The following DLG2 variants were observed in gnomAD, a reference collection of about 807,000 sequenced individuals.
DLG2 encodes disks large homolog 2.
Under a neutral mutation model 132.5 loss-of-function variants are expected in DLG2, and 45 were observed. The ratio of observed to expected loss-of-function variants is 0.34; its 90% CI spans 0.27 to 0.44. The LOEUF (loss-of-function observed/expected upper bound fraction) is 0.44. DLG2 is among the 20% of genes least tolerant of loss of function. The pLI is 1.00. For missense variants in DLG2, 1,045 were observed against 1,196.9 expected, an observed-to-expected ratio of 0.87 and a Z score of 1.87; for synonymous variants, 424 against 419.6, an observed-to-expected ratio of 1.01 and a Z score of -0.13.
In DLG2 at chr11:85,341,818, T is replaced by C. The variant is rs147597024; in HGVS notation, c.41-56453A>G. Among the ~76,000 whole-genome samples, 329 of 152,374 alleles carry C rather than the reference T, an allele frequency of 2.2e-3. 1 individual carries two copies. Among genetic ancestry groups the C allele is most frequent in the African/African-American group, 7.7e-3 (319 of 41,592 alleles). On this transcript the variant is annotated intron_variant, in intron 3 of 27. Coordinates refer to ENST00000376104, the MANE Select transcript of DLG2 (RefSeq NM_001142699.3). ...AGGCCTGCTACACACTTACACTATA[T>C]GGTGTAGCTTATTGCTCGTAGGCTA...
At chr11:85,590,177 G>C (rs1202184141) in intron 3 of DLG2, among the ~76,000 whole-genome samples, 1 of 152,036 alleles carries the variant, frequency 6.6e-6, no homozygotes, top group Non-Finnish European at 1.5e-5. Flanking sequence ...CTTTGATAGT[G>C]GGAGATCAAA....
At chr11:84,986,289 C>T (rs1012378967) in intron 6 of DLG2, among the ~76,000 whole-genome samples, 51 of 151,966 alleles carry the variant, frequency 3.4e-4, no homozygotes, top group Admixed American at 9.8e-4. Flanking sequence ...CAACAAGCAG[C>T]GAGATTGAAA....
chr11:84,977,545 A>T (rs1253656786), intron 6 of DLG2, among the ~76,000 whole-genome samples: 5 of 152,186 alleles, frequency 3.3e-5, no homozygotes, highest in Admixed American at 3.3e-4. Context: ...AGAAATTCTG[A>T]TATTCATTAA....
intron 3 of DLG2, among the ~76,000 whole-genome samples, chr11:85,581,165 T>G (rs2078491189): frequency 6.6e-6 from 1 of 152,158 alleles, no homozygotes; most frequent in South Asian, 2.1e-4. Flanking sequence ...GGCAGCCCCT[T>G]CAATAATACT....
intron 27 of DLG2, chr11:83,461,790 G>A: frequency 1.9e-6 from 1 of 516,188 alleles, no homozygotes; most frequent in Non-Finnish European, 3.5e-6. Context: ...TGGGAACCTG[G>A]GAGCTGGCTG....
intron 7 of DLG2, among the ~76,000 whole-genome samples, chr11:84,476,940 G>A (rs759757818): frequency 6.6e-6 from 1 of 152,058 alleles, no homozygotes; most frequent in Non-Finnish European, 1.5e-5. Context: ...GATAATAAAT[G>A]TTTGTTTTAA....
At chr11:84,113,838 C>G (rs1426600206) in intron 9 of DLG2, among the ~76,000 whole-genome samples, 1 of 151,956 alleles carries the variant, frequency 6.6e-6, no homozygotes, top group Non-Finnish European at 1.5e-5. Context: ...TCTCAGATTC[C>G]ACCTTGCAGC....
intron 7 of DLG2, among the ~76,000 whole-genome samples, chr11:84,364,346 T>C (rs996827448): frequency 4.6e-5 from 7 of 152,304 alleles, no homozygotes; most frequent in Admixed American, 1.3e-4. Context: ...CTTGTGATTT[T>C]TGTACATTGA....
chr11:83,515,235 T>C (rs2095248658), intron 21 of DLG2, among the ~76,000 whole-genome samples: 1 of 152,260 alleles, frequency 6.6e-6, no homozygotes, highest in African/African-American at 2.4e-5. Context: ...GAGATTCAAC[T>C]TCTTCCTGGT....
At chr11:83,731,489 T>C (rs966505374) in intron 18 of DLG2, among the ~76,000 whole-genome samples, 46 of 152,336 alleles carry the variant, frequency 3.0e-4, no homozygotes, top group African/African-American at 1.1e-3. Flanking sequence ...TATGGGTGCA[T>C]AGTATTCCAT....
chr11:85,507,612 A>T (rs942979691), intron 3 of DLG2, among the ~76,000 whole-genome samples: 1 of 151,946 alleles, frequency 6.6e-6, no homozygotes, highest in South Asian at 2.1e-4. Flanking sequence ...CTTTTTGGGT[A>T]ACCCGACTTC....
intron 6 of DLG2, among the ~76,000 whole-genome samples, chr11:84,675,233 C>T (rs11826619): frequency 0.046 from 6,930 of 152,076 alleles, 550 homozygotes; most frequent in African/African-American, 0.16. Flanking sequence ...ATGGGTTCCA[C>T]TGCTTTAACA....
intron 6 of DLG2, among the ~76,000 whole-genome samples, chr11:85,031,947 CTTTTTTT>C (rs11389028): frequency 1.9e-5 from 1 of 51,852 alleles, no homozygotes; most frequent in South Asian, 8.5e-4. Context: ...TGACAACTGG[CTTTTTTT>C]TTTTTTTTTT....
chr11:85,134,325 C>G (rs1232348507), intron 5 of DLG2, among the ~76,000 whole-genome samples: 1 of 148,982 alleles, frequency 6.7e-6, no homozygotes, highest in African/African-American at 2.5e-5. Flanking sequence ...GTCAGGAGAT[C>G]GAGACCATCC....
At chr11:84,591,223 C>CTCTGTG (rs1555073566) in intron 6 of DLG2, among the ~76,000 whole-genome samples, 1,859 of 139,266 alleles carry the variant, frequency 0.013, 25 homozygotes, top group South Asian at 0.024. Flanking sequence ...ATGTGTCTCT[C>CTCTGTG]TGTGTGTGTG....
intron 8 of DLG2, among the ~76,000 whole-genome samples, chr11:84,189,236 C>G (rs1237660522): frequency 6.6e-6 from 1 of 152,164 alleles, no homozygotes; most frequent in Non-Finnish European, 1.5e-5. Flanking sequence ...AGCTCAACAT[C>G]ACTGATCATT....
chr11:83,742,210 A>AACACACACACACACACACAC (rs67195725), intron 18 of DLG2, among the ~76,000 whole-genome samples: 4 of 147,006 alleles, frequency 2.7e-5, no homozygotes, highest in African/African-American at 1.0e-4. Flanking sequence ...CCACACTTTT[A>AACACACACACACACACACAC]ACACACACAC....
chr11:84,611,977 T>C (rs2099596331), intron 6 of DLG2, among the ~76,000 whole-genome samples: 1 of 152,138 alleles, frequency 6.6e-6, no homozygotes, highest in Admixed American at 6.6e-5. Flanking sequence ...CAACAACCTA[T>C]TTAAAGTGTA....
chr11:84,478,156 A>G lies in DLG2; in HGVS notation c.519+56414T>C, dbSNP rs1298964664. Among the ~76,000 whole-genome samples, 4 of 152,144 alleles carry G rather than the reference A, an allele frequency of 2.6e-5. No individual in the cohort carries two copies. The South Asian group carries it at 8.3e-4, about 31-fold the overall frequency. On this transcript the variant is annotated intron_variant, in intron 7 of 27. Coordinates refer to ENST00000376104, the MANE Select transcript of DLG2 (RefSeq NM_001142699.3). ...CACTGTTAACAGTGCATTGTTCATT[A>G]TTACAAATTTCTTAGGAGGCAGCAT...
Sources: allele counts gnomAD v4.1 joint callset (sites outside exome capture counted in the v4.1 genomes callset), GRCh38; gene constraint gnomAD v4.1.1; transcripts MANE v1.5; gene names NCBI Gene and HGNC (gene_info 2026-07-23, HGNC 2026-07-21).